Variants in CDYL observed in about 807,000 individuals in gnomAD.
CDYL encodes chromodomain Y-like protein.
Under a neutral mutation model 47.3 loss-of-function variants are expected in CDYL, and 8 were observed. The ratio of observed to expected loss-of-function variants is 0.17; its 90% CI spans 0.10 to 0.31. The LOEUF is 0.31. CDYL is among the 10% of genes least tolerant of loss of function. The probability of loss-of-function intolerance (pLI) is 1.00; values close to 1 mark genes in which losing one functional copy is unlikely to be tolerated. For synonymous variants in CDYL, 266 were observed against 265.0 expected, an observed-to-expected ratio of 1.00 and a Z score of -0.04; for missense variants, 471 against 701.4, an observed-to-expected ratio of 0.67 and a Z score of 3.71.
intron 1 of CDYL, among the ~76,000 whole-genome samples, chr6:4,715,180 C>T (rs1757230431): frequency 6.6e-6 from 1 of 152,190 alleles, no homozygotes; most frequent in Admixed American, 6.6e-5. Context: ...TGACTCACTT[C>T]CTTGTCTCCA....
intron 2 of CDYL, among the ~76,000 whole-genome samples, chr6:4,723,073 A>G (rs1227274420): frequency 6.6e-6 from 1 of 152,200 alleles, no homozygotes; most frequent in Non-Finnish European, 1.5e-5. Flanking sequence ...CACAGGTTCC[A>G]TATCCATGGA....
At chr6:4,902,253 A>T (rs539285148) in intron 2 of CDYL, among the ~76,000 whole-genome samples, 7 of 152,042 alleles carry the variant, frequency 4.6e-5, no homozygotes, top group African/African-American at 1.4e-4. Flanking sequence ...AAAAAAATAC[A>T]AAATTAGCCG....
rs187081389 is a variant in CDYL at position 4,902,120 on chromosome 6, C to T, written c.691+9741C>T. On this transcript the variant is annotated intron_variant, in intron 2 of 6. Coordinates refer to ENST00000397588, the MANE Select transcript of CDYL (RefSeq NM_004824.4). ...TAACAATAGAAATGGCAATAGAGGC[C>T]GGGTGCAGTGGCTCACACCTGTAAT... Among the ~76,000 whole-genome samples, 430 of 152,144 alleles carry T rather than the reference C, an allele frequency of 2.8e-3. 1 individual carries two copies. The highest frequency in any genetic ancestry group is 9.9e-3 in the African/African-American group (409 of 41,502).
Position 4,782,331 on chromosome 6 carries a change from C to G in CDYL, c.24+5524C>G, listed in dbSNP as rs760830563. ...TTTCCACAGCTCAAAATACTGCAAT[C>G]GTTGCATAATTGTTGAGTTACTTTA... On this transcript the variant is annotated intron_variant, in intron 1 of 6. Transcript: ENST00000397588. Among the ~76,000 whole-genome samples, 4 of 152,254 alleles carry G rather than the reference C, an allele frequency of 2.6e-5. No individual in the cohort carries two copies. In the East Asian group the frequency reaches 5.8e-4, roughly 22 times the overall value.
intron 1 of CDYL, among the ~76,000 whole-genome samples, chr6:4,833,787 T>C (rs1760215116): frequency 6.6e-6 from 1 of 151,834 alleles, no homozygotes; most frequent in Non-Finnish European, 1.5e-5. Context: ...TTTAGGATAG[T>C]TAGCTCTTCT....
chr6:4,903,490 T>C (rs1757131498), intron 2 of CDYL, among the ~76,000 whole-genome samples: 1 of 151,830 alleles, frequency 6.6e-6, no homozygotes, highest in Non-Finnish European at 1.5e-5. Flanking sequence ...TATATTGTTT[T>C]ATCTGAGCAA....
At chr6:4,736,209 G>A (rs4960040) in intron 3 of CDYL, among the ~76,000 whole-genome samples, 87,138 of 151,988 alleles carry the variant, frequency 0.57, 25,832 homozygotes, top group South Asian at 0.71. Flanking sequence ...TTAAAACATA[G>A]TATAACAAGG....
At chr6:4,910,979 G>A (rs753671173) in intron 2 of CDYL, among the ~76,000 whole-genome samples, 1 of 152,028 alleles carries the variant, frequency 6.6e-6, no homozygotes, top group Non-Finnish European at 1.5e-5. Flanking sequence ...GACTACAGGC[G>A]CCTGCCACCA....
intron 2 of CDYL, among the ~76,000 whole-genome samples, chr6:4,725,656 G>A (rs1026593921): frequency 2.0e-5 from 3 of 152,214 alleles, no homozygotes; most frequent in Admixed American, 1.3e-4. Context: ...TGCAAGCACC[G>A]CGCACAGCCC....
At chr6:4,714,942 A>C (rs762923275) in intron 1 of CDYL, 2 of 152,192 alleles carry the variant, frequency 1.3e-5, no homozygotes, top group South Asian at 4.1e-4. Flanking sequence ...TTTTAAATTT[A>C]TATGTGACTT....
intron 1 of CDYL, among the ~76,000 whole-genome samples, chr6:4,822,563 T>C (rs958646469): frequency 5.9e-5 from 9 of 152,272 alleles, no homozygotes; most frequent in African/African-American, 2.2e-4. Context: ...TTTCTAATCC[T>C]GGCAATGAGG....
chr6:4,897,165 C>G (rs1200222054), intron 2 of CDYL, among the ~76,000 whole-genome samples: 1 of 152,186 alleles, frequency 6.6e-6, no homozygotes, highest in Admixed American at 6.5e-5. Context: ...ATTATCGTAA[C>G]TTTGTCCTTT....
intron 1 of CDYL, among the ~76,000 whole-genome samples, chr6:4,868,975 TTTC>T (rs1761399018): frequency 6.6e-6 from 1 of 152,242 alleles, no homozygotes; most frequent in Admixed American, 6.5e-5. Context: ...TGGTTATTGT[TTTC>T]ATGTCATATT....
intron 2 of CDYL, among the ~76,000 whole-genome samples, chr6:4,916,687 G>T (rs1301204299): frequency 6.6e-6 from 1 of 152,134 alleles, no homozygotes; most frequent in Non-Finnish European, 1.5e-5. Context: ...TATCTGAGTG[G>T]TTCATTCCAG....
chr6:4,715,088 G>A (rs1044011243), intron 1 of CDYL, among the ~76,000 whole-genome samples: 3 of 152,174 alleles, frequency 2.0e-5, no homozygotes, highest in Admixed American at 6.5e-5. Flanking sequence ...GCATAGGCAC[G>A]CCCAACCACT....
rs186284148 is a variant in CDYL at position 4,903,382 on chromosome 6, A to G, written c.691+11003A>G. ...TCCTAGTTTTTCTACTACCTGCCAC[A>G]TGGTAGGCGGCCACTAAACTGTGGA... is the stretch of plus-strand genomic sequence containing the variant. On this transcript the variant is annotated intron_variant, in intron 2 of 6. Transcript: ENST00000397588. 2.7e-3 allele frequency among the ~76,000 whole-genome samples: 405 copies of G among 152,328 alleles called. 2 individuals carry two copies. Among genetic ancestry groups the G allele is most frequent in the African/African-American group, 8.4e-3 (348 of 41,578 alleles).
In CDYL at chr6:4,857,184, T is replaced by C. The variant is rs536235650; in HGVS notation, c.25-34529T>C. On this transcript the variant is annotated intron_variant, in intron 1 of 6. Coordinates refer to ENST00000397588, the MANE Select transcript of CDYL (RefSeq NM_004824.4). ...TGACAAAGTTTGCCATTTTAACCAT[T>C]TTCTGTGTACAGTTCACTGGCATTA... Among the ~76,000 whole-genome samples, 16 of 152,338 alleles carry C rather than the reference T, an allele frequency of 1.1e-4. No individual in the cohort carries two copies. In the East Asian group the frequency reaches 3.1e-3, roughly 29 times the overall value.
intron 2 of CDYL, among the ~76,000 whole-genome samples, chr6:4,897,261 T>C (rs979476936): frequency 1.3e-5 from 2 of 152,262 alleles, no homozygotes; most frequent in Non-Finnish European, 2.9e-5. Flanking sequence ...CAAATAGGTG[T>C]AAACCTTATC....
intron 1 of CDYL, among the ~76,000 whole-genome samples, chr6:4,816,583 C>T (rs773902298): frequency 6.6e-6 from 1 of 151,052 alleles, no homozygotes; most frequent in Non-Finnish European, 1.5e-5. Context: ...ACTGCAACCT[C>T]CACCTCCCAG....
Sources: allele counts gnomAD v4.1 joint callset (sites outside exome capture counted in the v4.1 genomes callset), GRCh38; gene constraint gnomAD v4.1.1; transcripts MANE v1.5; gene names NCBI Gene and HGNC (gene_info 2026-07-23, HGNC 2026-07-21).